Variants in GABRA1 observed in about 807,000 individuals in gnomAD.
GABRA1 encodes gamma-aminobutyric acid receptor subunit alpha-1.
GABRA1 carries 9 observed loss-of-function variants against 48.9 expected under a neutral mutation model. The ratio of observed to expected loss-of-function variants is 0.18; its 90% CI spans 0.11 to 0.32. GABRA1 has a LOEUF of 0.32. GABRA1 is among the 10% of genes least tolerant of loss of function. The pLI is 1.00. For missense variants in GABRA1, 285 were observed against 553.8 expected (o/e 0.51, Z 4.87); for synonymous variants, 210 against 198.7 (o/e 1.06, Z -0.48).
chr5:161,855,973 C>A (rs886851162), intron 3 of GABRA1, among the ~76,000 whole-genome samples: 5 of 151,334 alleles, frequency 3.3e-5, no homozygotes, highest in African/African-American at 1.2e-4. Context: ...TAGTTTTACA[C>A]ACAAACTGTT....
intron 3 of GABRA1, among the ~76,000 whole-genome samples, chr5:161,864,299 C>T (rs1157292215): frequency 6.6e-6 from 1 of 151,988 alleles, no homozygotes; most frequent in Non-Finnish European, 1.5e-5. Context: ...GTGCGCTGCA[C>T]CCACTAACTC....
At chr5:161,890,072 G>C (rs1451395787) in intron 7 of GABRA1, among the ~76,000 whole-genome samples, 1 of 151,982 alleles carries the variant, frequency 6.6e-6, no homozygotes, top group Non-Finnish European at 1.5e-5. Context: ...AAGGCAAAAA[G>C]AGAAACAATA....
chr5:161,858,803 T>A (rs1757746800), intron 3 of GABRA1, among the ~76,000 whole-genome samples: 1 of 151,762 alleles, frequency 6.6e-6, no homozygotes, highest in African/African-American at 2.4e-5. Flanking sequence ...TAATGGTAGT[T>A]CCTGGAAATA....
intron 8 of GABRA1, among the ~76,000 whole-genome samples, chr5:161,891,699 T>A (rs1041870094): frequency 6.6e-6 from 1 of 152,168 alleles, no homozygotes; most frequent in Non-Finnish European, 1.5e-5. Context: ...GCATTTGATA[T>A]AAAAAGGTAT....
chr5:161,888,306 ATGT>A (rs1448986473), intron 7 of GABRA1, among the ~76,000 whole-genome samples: 1 of 151,944 alleles, frequency 6.6e-6, no homozygotes, highest in Admixed American at 6.6e-5. Flanking sequence ...CATGATTCTG[ATGT>A]TGCTTCCCTT....
At chr5:161,875,912 AGAAGT>A (rs550280662) in intron 6 of GABRA1, among the ~76,000 whole-genome samples, 2 of 152,202 alleles carry the variant, frequency 1.3e-5, no homozygotes, top group Non-Finnish European at 2.9e-5. Context: ...TTATAGAAAA[AGAAGT>A]GAAGTATGGA....
At chr5:161,864,241 T>C (rs903985045) in intron 3 of GABRA1, among the ~76,000 whole-genome samples, 1 of 152,074 alleles carries the variant, frequency 6.6e-6, no homozygotes, top group East Asian at 1.9e-4. Context: ...TTAGGGTACA[T>C]GTGCGCATTG....
At chr5:161,863,011 A>C (rs999628898) in intron 3 of GABRA1, among the ~76,000 whole-genome samples, 1 of 151,930 alleles carries the variant, frequency 6.6e-6, no homozygotes, top group African/African-American at 2.4e-5. Flanking sequence ...TTTTGCCTCC[A>C]GTACTAATCT....
At chr5:161,855,508 C>T (rs1186111649) in intron 3 of GABRA1, among the ~76,000 whole-genome samples, 1 of 151,424 alleles carries the variant, frequency 6.6e-6, no homozygotes, top group Non-Finnish European at 1.5e-5. Flanking sequence ...CAGGTTTAGA[C>T]TTCACCAAGT....
At position 161,873,368 on chromosome 5, in the gene GABRA1, G is replaced by A. The variant is rs753995725; in HGVS notation, c.476+31G>A. The A allele has an allele frequency of 2.2e-5, 33 of 1,519,644 alleles. 1 individual carries two copies. The South Asian group carries it at 3.0e-4, about 14-fold the overall frequency. The allele number at this position is 1,519,644 out of a possible 1,614,324, so 94.1% of individuals were successfully genotyped here. A position where few individuals can be genotyped will look rare whatever the true frequency, so the allele number is the denominator to read the frequency against. ...GATGGCTGCACTGCCATTCATGAATGTTTCTGTACTTCATTCCCTTCCACT... is the reference window on the plus strand; with the variant it reads ...GATGGCTGCACTGCCATTCATGAATATTTCTGTACTTCATTCCCTTCCACT... On this transcript the variant is annotated intron_variant, in intron 5 of 9. Coordinates refer to ENST00000393943, the MANE Select transcript of GABRA1 (RefSeq NM_001127644.2).
At chr5:161,850,433 A>G (rs954779747) in intron 1 of GABRA1, 9 of 447,714 alleles carry the variant, frequency 2.0e-5, no homozygotes, top group Admixed American at 3.8e-5. Flanking sequence ...TGAAATCTTA[A>G]AAGTCCAAAT....
intron 4 of GABRA1, among the ~76,000 whole-genome samples, chr5:161,871,327 A>T (rs1041630150): frequency 2.0e-5 from 3 of 152,144 alleles, no homozygotes; most frequent in East Asian, 3.9e-4. Context: ...GCAGGTGGCC[A>T]TTCATTCCTT....
chr5:161,849,415 T>C (rs1757351544), intron 1 of GABRA1, among the ~76,000 whole-genome samples: 1 of 152,180 alleles, frequency 6.6e-6, no homozygotes. Flanking sequence ...CCAAGATTTC[T>C]TGTCATAGTC....
chr5:161,888,043 C>G (rs1754924640), intron 7 of GABRA1, among the ~76,000 whole-genome samples: 1 of 152,100 alleles, frequency 6.6e-6, no homozygotes, highest in African/African-American at 2.4e-5. Context: ...AGTTGCTTTT[C>G]TTCCACTCTC....
chr5:161,895,655 T>C lies in GABRA1; in HGVS notation c.857-11T>C. 1 of 1,612,390 alleles carries C rather than the reference T, an allele frequency of 6.2e-7. No individual in the cohort carries two copies. Among genetic ancestry groups the C allele is most frequent in the Non-Finnish European group, 8.5e-7 (1 of 1,178,810 alleles). On this transcript the variant is annotated splice_polypyrimidine_tract_variant and intron_variant, in intron 8 of 9. Coordinates refer to ENST00000393943, the MANE Select transcript of GABRA1 (RefSeq NM_001127644.2). The stretch of plus-strand genomic sequence containing the variant: ...AACTGGCATCATGTATGTTTTTTTT[T>C]TTCTTTACAGGAGTAACAACTGTGC...
chr5:161,861,387 A>G (rs931155647), intron 3 of GABRA1, among the ~76,000 whole-genome samples: 8 of 151,902 alleles, frequency 5.3e-5, no homozygotes, highest in Admixed American at 5.3e-4. Flanking sequence ...TTTTCTAAAG[A>G]TTAGCCCTAT....
chr5:161,897,705 C>A lies in GABRA1; in HGVS notation c.*283C>A. The A allele has an allele frequency of 5.8e-6, 2 of 341,960 alleles. No individual in the cohort carries two copies. The highest frequency in any genetic ancestry group is 1.1e-5 in the Non-Finnish European group (2 of 189,308). 21.2% of individuals were successfully genotyped at this position (341,960 alleles called of 1,614,324 possible). On this transcript the variant is annotated 3_prime_UTR_variant, in exon 10 of 10. Coordinates refer to ENST00000393943, the MANE Select transcript of GABRA1 (RefSeq NM_001127644.2). ...AGAGGGGGAAGATGGTTCAAAGATA[C>A]AAGAAAAAGTAGAAAAAAAAATAAC...
chr5:161,880,834 T>C lies in GABRA1; in HGVS notation c.560-1724T>C, dbSNP rs574770957. Reference sequence around the variant, plus strand: ...TTATTTTCATGTAAAAAAGCAACTATAGTTTTACACCTCACTATATCTTAT... The same window carrying C: ...TTATTTTCATGTAAAAAAGCAACTACAGTTTTACACCTCACTATATCTTAT... On this transcript the variant is annotated intron_variant, in intron 6 of 9. Transcript: ENST00000393943. 2.0e-4 allele frequency among the ~76,000 whole-genome samples: 30 copies of C among 152,276 alleles called. No homozygotes were observed. In the South Asian group the frequency reaches 5.8e-3, roughly 29 times the overall value.
intron 4 of GABRA1, among the ~76,000 whole-genome samples, chr5:161,867,594 A>C (rs1158787369): frequency 2.6e-5 from 4 of 152,114 alleles, no homozygotes; most frequent in Non-Finnish European, 5.9e-5. Context: ...GTTTTAAATG[A>C]GATGTGCAAA....
Sources: gnomAD v4.1 joint callset for allele counts (sites outside exome capture counted in the v4.1 genomes callset) on GRCh38, gnomAD v4.1.1 for gene constraint, MANE v1.5 for transcripts, NCBI Gene and HGNC (gene_info 2026-07-23, HGNC 2026-07-21) for gene names.